The following THOC2 variants were observed in gnomAD, a reference collection of about 807,000 sequenced individuals.
The protein encoded by THOC2 is THO complex subunit 2, also known as THO complex 2.
In THOC2, 10 loss-of-function variants were observed where a neutral mutation model predicts 128.4. That is an observed-to-expected ratio of 0.08 (90% CI 0.05 to 0.13). The LOEUF is 0.13. Among genes scored for constraint, THOC2 ranks in the 10% least tolerant of loss-of-function variants. The probability of loss-of-function intolerance (pLI) is 1.00; values close to 1 mark genes in which losing one functional copy is unlikely to be tolerated. For synonymous variants in THOC2, 393 were observed against 396.9 expected (o/e 0.99, Z 0.12); for missense variants, 535 against 1,155.7 (o/e 0.46, Z 7.79).
intron 9 of THOC2, among the ~76,000 whole-genome samples, chrX:123,670,815 G>A (rs1336610285): frequency 1.8e-5 from 2 of 111,774 alleles, no homozygotes; most frequent in African/African-American, 6.5e-5. Context: ...CTCCAATAGA[G>A]TACCTATTAA....
intron 37 of THOC2, 109 bp from the exon 38 acceptor site, chrX:123,611,072 C>G: frequency 1.4e-6 from 1 of 690,370 alleles, no homozygotes; most frequent in South Asian, 2.7e-5. Flanking sequence ...TCTGACCAGC[C>G]TGGTAGCCTC....
chrX:123,641,423 C>A (rs2047906814), intron 15 of THOC2, among the ~76,000 whole-genome samples: 1 of 112,210 alleles, frequency 8.9e-6, no homozygotes, highest in Non-Finnish European at 1.9e-5. Context: ...GACGAACTTG[C>A]TTTAATTAAT....
At chrX:123,709,924 G>T (rs995381252) in intron 2 of THOC2, among the ~76,000 whole-genome samples, 1 of 110,648 alleles carries the variant, frequency 9.0e-6, no homozygotes, top group Non-Finnish European at 1.9e-5. Flanking sequence ...TGGCTGGGGT[G>T]GGGGGGAAGG....
chrX:123,622,353 T>C (rs775278559), intron 30 of THOC2, among the ~76,000 whole-genome samples: 1 of 112,378 alleles, frequency 8.9e-6, no homozygotes, highest in East Asian at 2.8e-4. Flanking sequence ...CTAAAATATT[T>C]GTTTAACTTC....
intron 1 of THOC2, among the ~76,000 whole-genome samples, chrX:123,724,208 A>T (rs1372731824): frequency 1.8e-5 from 2 of 111,730 alleles, no homozygotes; most frequent in Non-Finnish European, 1.9e-5. Flanking sequence ...AATCATCCAC[A>T]GAGAGATTAT....
chrX:123,640,682 T>G, intron 15 of THOC2, 60 bp from the exon 16 acceptor site: 1 of 671,890 alleles, frequency 1.5e-6, no homozygotes, highest in Non-Finnish European at 2.2e-6. Context: ...GTAATGTTGA[T>G]AGCTTTGTTA....
intron 12 of THOC2, among the ~76,000 whole-genome samples, chrX:123,664,984 A>T (rs969937650): frequency 1.2e-4 from 14 of 112,073 alleles, no homozygotes; most frequent in African/African-American, 4.5e-4. Flanking sequence ...AAAGAATGCT[A>T]AGTAACCACT....
chrX:123,700,544 T>TGG (rs1216548328), intron 4 of THOC2, among the ~76,000 whole-genome samples: 3 of 22,937 alleles, frequency 1.3e-4, no homozygotes, highest in Non-Finnish European at 1.6e-4. Context: ...GGTGAGGGGG[T>TGG]GGGGGGGGGT....
intron 2 of THOC2, among the ~76,000 whole-genome samples, chrX:123,708,115 AAAAT>A (rs1350856082): frequency 9.0e-6 from 1 of 111,311 alleles, no homozygotes; most frequent in East Asian, 2.8e-4. Flanking sequence ...AATAAAAATA[AAAAT>A]AAACTTCTCC....
rs2047543706 is a variant in THOC2, at chrX:123,633,014, G to A, written c.2163C>T (p.Asn721=). The change falls in exon 21 of 39, where the codon AAC becomes AAT. Residue 721 remains asparagine (N), a synonymous_variant. Transcript: ENST00000245838. ...AEGGYFGQIR[N]TKKSSQRLKD... ...TTAATCTCTGAGAGGATTTTTTAGT[G>A]TTTCTGATCTGACCAAAATAACCAC... The A allele has an allele frequency of 8.3e-6, 10 of 1,209,371 alleles. No homozygotes were observed. The highest frequency in any genetic ancestry group is 1.1e-5 in the Non-Finnish European group (10 of 894,136).
chrX:123,717,353 A>C (rs2051470297), intron 1 of THOC2, among the ~76,000 whole-genome samples: 1 of 111,552 alleles, frequency 9.0e-6, no homozygotes, highest in Non-Finnish European at 1.9e-5. Flanking sequence ...ACCTGAAAAA[A>C]ATTTTTAATT....
At chrX:123,639,789 A>G (rs1324726577) in intron 16 of THOC2, among the ~76,000 whole-genome samples, 2 of 111,615 alleles carry the variant, frequency 1.8e-5, no homozygotes, top group Non-Finnish European at 3.8e-5. Context: ...CTGCACATGT[A>G]CCCCTTGCAT....
At chrX:123,656,484 G>C (rs1023523384) in intron 12 of THOC2, among the ~76,000 whole-genome samples, 6 of 111,115 alleles carry the variant, frequency 5.4e-5, no homozygotes, top group East Asian at 2.8e-4. Context: ...CAAGGCAGGT[G>C]TATCACTCGA....
chrX:123,631,216 C>T (rs1367233661), intron 22 of THOC2, among the ~76,000 whole-genome samples: 1 of 111,950 alleles, frequency 8.9e-6, no homozygotes, highest in Non-Finnish European at 1.9e-5. Context: ...TCTTGCACAG[C>T]TGAGACTGAT....
intron 1 of THOC2, among the ~76,000 whole-genome samples, chrX:123,718,386 T>C (rs2051523821): frequency 8.9e-6 from 1 of 112,146 alleles, no homozygotes; most frequent in Admixed American, 9.5e-5. Flanking sequence ...GTCTGGGCTA[T>C]AATTTTTTAG....
chrX:123,728,830 T>G (rs1477578178), intron 1 of THOC2, among the ~76,000 whole-genome samples: 1 of 112,344 alleles, frequency 8.9e-6, no homozygotes, highest in Non-Finnish European at 1.9e-5. Flanking sequence ...AAATAAGCTA[T>G]TCAAACAAAC....
intron 12 of THOC2, among the ~76,000 whole-genome samples, chrX:123,663,777 C>T (rs1183147445): frequency 2.7e-5 from 3 of 110,468 alleles, no homozygotes. Context: ...CCTCTCCCCA[C>T]ACCCCACAAC....
intron 9 of THOC2, 82 bp downstream of exon 9, chrX:123,671,587 G>T: frequency 1.9e-6 from 1 of 527,010 alleles, no homozygotes. Context: ...ACCCAATCCT[G>T]GGGGTGCTAT....
intron 2 of THOC2, among the ~76,000 whole-genome samples, chrX:123,708,157 G>A (rs1387924507): frequency 1.8e-5 from 2 of 111,019 alleles, no homozygotes; most frequent in African/African-American, 6.5e-5. Flanking sequence ...CCACAAAAAG[G>A]AACATAATAG....
Sources: gnomAD v4.1 joint callset for allele counts (sites outside exome capture counted in the v4.1 genomes callset) on GRCh38, gnomAD v4.1.1 for gene constraint, MANE v1.5 for transcripts, NCBI Gene and HGNC (gene_info 2026-07-23, HGNC 2026-07-21) for gene names.